Variants in CEP89 observed in about 807,000 individuals in gnomAD.
CEP89 encodes the protein centrosomal protein 89.
CEP89 carries 95 observed loss-of-function variants against 97.6 expected under a neutral mutation model. That is an observed-to-expected ratio of 0.97 (90% CI 0.82 to 1.15). The LOEUF (loss-of-function observed/expected upper bound fraction) is 1.15, where lower values mean the gene tolerates loss of function less well. Ranked by LOEUF, CEP89 falls within the 50% of genes most tolerant of loss-of-function variation. CEP89 has a pLI of 0.00. For missense variants in CEP89, 869 were observed against 947.7 expected, an observed-to-expected ratio of 0.92 and a Z score of 1.09; for synonymous variants, 354 against 349.1, an observed-to-expected ratio of 1.01 and a Z score of -0.16.
Position 32,878,962 on chromosome 19 carries a change from TA to T in CEP89, c.*199del, listed in dbSNP as rs71336972. The T allele has an allele frequency of 0.029, 10,950 of 381,032 alleles. No homozygotes were observed. The highest frequency in any genetic ancestry group is 0.083 in the East Asian group (2,151 of 25,912). 23.6% of individuals were successfully genotyped at this position (381,032 alleles called of 1,614,324 possible). A position where few individuals can be genotyped will look rare whatever the true frequency, so the allele number is the denominator to read the frequency against. On this transcript the variant is annotated 3_prime_UTR_variant, in exon 19 of 19. Coordinates refer to ENST00000305768, the MANE Select transcript of CEP89 (RefSeq NM_032816.5). Reference sequence around the variant, plus strand: ...GGGCAACAGAGTGAGACCCTAGCTCTAAAAAAAAAAAAAAATTAAAAAATAA... The same window carrying T: ...GGGCAACAGAGTGAGACCCTAGCTCTAAAAAAAAAAAAAATTAAAAAATAA...
At chr19:32,954,930 G>C (rs1971015947) in intron 3 of CEP89, among the ~76,000 whole-genome samples, 1 of 151,756 alleles carries the variant, frequency 6.6e-6, no homozygotes, top group African/African-American at 2.4e-5. Context: ...CTCCCAAAGT[G>C]CTGGGATTAC....
At chr19:32,894,899 C>T (rs561233260) in intron 16 of CEP89, among the ~76,000 whole-genome samples, 1 of 152,284 alleles carries the variant, frequency 6.6e-6, no homozygotes, top group South Asian at 2.1e-4. Context: ...TGAACTGGCC[C>T]ATTGACAACA....
intron 14 of CEP89, among the ~76,000 whole-genome samples, chr19:32,914,170 G>T (rs987596449): frequency 3.9e-5 from 6 of 152,066 alleles, no homozygotes; most frequent in African/African-American, 1.4e-4. Context: ...ATGTCAAAAA[G>T]GATCTTGTGT....
chr19:32,929,935 G>T (rs1451502908), intron 9 of CEP89, among the ~76,000 whole-genome samples: 1 of 152,054 alleles, frequency 6.6e-6, no homozygotes, highest in African/African-American at 2.4e-5. Context: ...ATAGATTAGT[G>T]GTTACCAGGG....
chr19:32,897,940 A>G (rs1969678534), intron 16 of CEP89, among the ~76,000 whole-genome samples: 1 of 152,188 alleles, frequency 6.6e-6, no homozygotes, highest in Non-Finnish European at 1.5e-5. Context: ...TGGGAATGTA[A>G]ATTAGTACAG....
At position 32,881,966 on chromosome 19, in the gene CEP89, A is replaced by G; in HGVS notation, c.2013T>C (p.Arg671=). Residue 671 remains arginine, a synonymous_variant, in exon 18 of 19, where the codon CGT becomes CGC. Coordinates refer to ENST00000305768, the MANE Select transcript of CEP89 (RefSeq NM_032816.5). ...AALKLGDISH[R]LLEQQEDFAG... is the part of the protein sequence containing the mutation. ...CGAAGTCCTCCTGCTGCTCCAGCAG[A>G]CGGTGACTGATGTCCCCCAGCTTCA... The G allele has an allele frequency of 1.3e-6, 2 of 1,589,666 alleles. No individual in the cohort carries two copies. Among genetic ancestry groups the G allele is most frequent in the South Asian group, 2.3e-5 (2 of 87,642 alleles).
chr19:32,925,512 CG>C (rs776189234), intron 11 of CEP89, among the ~76,000 whole-genome samples: 233 of 123,850 alleles, frequency 1.9e-3, no homozygotes, highest in Middle Eastern at 9.5e-3. Context: ...TTTTTCGAGA[CG>C]GAGTCTGGCC....
rs1375296417 is a variant in CEP89, at chr19:32,936,627, G to A, written c.667+1004C>T. 1.3e-5 allele frequency among the ~76,000 whole-genome samples: 2 copies of A among 152,160 alleles called. No individual in the cohort carries two copies. ...GAGGCCCATAAAAGCCCTGGGCTTA[G>A]TTGGAGCAGAGCAGATGAGATGACC... On this transcript the variant is annotated intron_variant, in intron 7 of 18. Coordinates refer to ENST00000305768, the MANE Select transcript of CEP89 (RefSeq NM_032816.5). This position sits in a 1 kb window ranked among gnomAD's most constrained non-coding sequence, Gnocchi z 4.5.
chr19:32,919,473 C>T (rs546536102), intron 12 of CEP89, among the ~76,000 whole-genome samples: 1 of 152,298 alleles, frequency 6.6e-6, no homozygotes, highest in African/African-American at 2.4e-5. Flanking sequence ...AGGAGTCAGG[C>T]TGTAACAATG....
At chr19:32,901,538 C>A in intron 14 of CEP89, 126 bp from the exon 15 acceptor site, 1 of 926,192 alleles carries the variant, frequency 1.1e-6, no homozygotes, top group Middle Eastern at 2.3e-4. Context: ...ACTTGGAATG[C>A]CTCTGTGGAA....
rs1969209802 is a variant in CEP89 at position 32,878,495 on chromosome 19, C to T, written c.*667G>A. On this transcript the variant is annotated 3_prime_UTR_variant, in exon 19 of 19. Coordinates refer to ENST00000305768, the MANE Select transcript of CEP89 (RefSeq NM_032816.5). ...CCATCTGACACATGGCACGAGGGCT[C>T]AGCTGCCCGCCCAACCCTTCCAGCA... The T allele has an allele frequency of 6.6e-6, 1 of 152,254 alleles. No homozygotes were observed. Among genetic ancestry groups the T allele is most frequent in the African/African-American group, 2.4e-5 (1 of 41,446 alleles). The allele number at this position is 152,254 out of a possible 1,614,324, so 9.4% of individuals were successfully genotyped here.
At chr19:32,892,464 A>C (rs57628590) in intron 16 of CEP89, among the ~76,000 whole-genome samples, 12,370 of 151,052 alleles carry the variant, frequency 0.082, 1,576 homozygotes, top group African/African-American at 0.27. Context: ...CACCACCACA[A>C]CCAGCTAATT....
intron 16 of CEP89, among the ~76,000 whole-genome samples, chr19:32,893,293 T>A (rs1969573120): frequency 6.6e-6 from 1 of 152,084 alleles, no homozygotes; most frequent in Non-Finnish European, 1.5e-5. Flanking sequence ...GTAAAGAAGG[T>A]AATATTATAA....
chr19:32,934,237 G>A (rs1451918111), intron 7 of CEP89, among the ~76,000 whole-genome samples: 1 of 152,130 alleles, frequency 6.6e-6, no homozygotes, highest in Non-Finnish European at 1.5e-5. Flanking sequence ...AGAGCAGGTG[G>A]GGATGGAAGA....
At chr19:32,931,612 T>A in intron 8 of CEP89, 41 bp from the exon 9 acceptor site, 1 of 1,446,534 alleles carries the variant, frequency 6.9e-7, no homozygotes, top group Non-Finnish European at 9.3e-7. Flanking sequence ...AGAAATAACA[T>A]CCAATTTATC....
At chr19:32,890,196 G>A (rs925098864) in intron 16 of CEP89, among the ~76,000 whole-genome samples, 2 of 152,114 alleles carry the variant, frequency 1.3e-5, no homozygotes, top group Non-Finnish European at 2.9e-5. Context: ...TCAGGAGATC[G>A]AGACCATCCT....
At chr19:32,948,538 G>A (rs1433008997) in intron 4 of CEP89, among the ~76,000 whole-genome samples, 170 bp from the exon 5 acceptor site, 1 of 152,106 alleles carries the variant, frequency 6.6e-6, no homozygotes, top group African/African-American at 2.4e-5. Context: ...ATATCAGGTG[G>A]GGCTGGATGA....
At chr19:32,921,512 A>C (rs1357188936) in intron 12 of CEP89, among the ~76,000 whole-genome samples, 1 of 152,210 alleles carries the variant, frequency 6.6e-6, no homozygotes, top group East Asian at 1.9e-4. Flanking sequence ...AATCCCAACA[A>C]ATGCAGGATT....
chr19:32,887,704 T>G (rs751280768), intron 17 of CEP89, 48 bp downstream of exon 17: 2 of 1,153,572 alleles, frequency 1.7e-6, no homozygotes, highest in East Asian at 2.3e-5. Flanking sequence ...GCAGTGAGCC[T>G]GCATTCCCAT....
Sources: gnomAD v4.1 joint callset for allele counts (sites outside exome capture counted in the v4.1 genomes callset) on GRCh38, gnomAD v4.1.1 for gene constraint, Gnocchi (gnomAD v3.1) non-coding constraint, MANE v1.5 for transcripts, NCBI Gene and HGNC (gene_info 2026-07-23, HGNC 2026-07-21) for gene names.